MACROD2: variants seen among roughly 807,000 people sequenced by gnomAD.
MACROD2 encodes the protein mono-ADP ribosylhydrolase 2.
In MACROD2, 36 loss-of-function variants were observed where a neutral mutation model predicts 70.4. The observed-to-expected ratio is 0.51, with a 90% CI of 0.39 to 0.68. The LOEUF (loss-of-function observed/expected upper bound fraction) is 0.68, where lower values mean the gene tolerates loss of function less well. Ranked by LOEUF, MACROD2 falls within the 30% of genes least tolerant of loss-of-function variation. The probability of loss-of-function intolerance (pLI) is 0.00; values close to 1 mark genes in which losing one functional copy is unlikely to be tolerated. For missense variants in MACROD2, 496 were observed against 538.4 expected, an observed-to-expected ratio of 0.92 and a Z score of 0.78; for synonymous variants, 172 against 178.8, an observed-to-expected ratio of 0.96 and a Z score of 0.30.
At chr20:14,391,044 A>G (rs549202121) in intron 3 of MACROD2, among the ~76,000 whole-genome samples, 1 of 152,218 alleles carries the variant, frequency 6.6e-6, no homozygotes, top group Admixed American at 6.5e-5. Flanking sequence ...TTAGTTCAAC[A>G]ATTGTAGAAG....
intron 6 of MACROD2, among the ~76,000 whole-genome samples, chr20:15,297,678 A>G (rs1387465671): frequency 2.6e-5 from 4 of 152,300 alleles, no homozygotes; most frequent in African/African-American, 7.2e-5. Context: ...TGAATTTTCC[A>G]TAAGAGAACA....
At chr20:15,539,895 G>A (rs1004172375) in intron 8 of MACROD2, among the ~76,000 whole-genome samples, 4 of 152,242 alleles carry the variant, frequency 2.6e-5, no homozygotes, top group Non-Finnish European at 5.9e-5. Context: ...GACTGAGGCA[G>A]GAGAATGGCG....
At chr20:14,539,150 A>C (rs2123227606) in intron 4 of MACROD2, among the ~76,000 whole-genome samples, 1 of 152,326 alleles carries the variant, frequency 6.6e-6, no homozygotes, top group Middle Eastern at 3.4e-3. Context: ...TGTCCAGCTT[A>C]TGTGACTCTG....
chr20:14,738,744 A>G (rs1485940446), intron 5 of MACROD2, among the ~76,000 whole-genome samples: 2 of 151,784 alleles, frequency 1.3e-5, no homozygotes, highest in Admixed American at 6.6e-5. Context: ...TATCTACTCA[A>G]TCCATTTCCA....
chr20:14,887,863 TA>T (rs11474913), intron 5 of MACROD2, among the ~76,000 whole-genome samples: 66,346 of 142,574 alleles, frequency 0.47, 15,175 homozygotes, highest in Non-Finnish European at 0.51. Flanking sequence ...AGAAAAGCAT[TA>T]AAAAAAAAAA....
At chr20:16,009,467 A>G (rs1011715575) in intron 15 of MACROD2, among the ~76,000 whole-genome samples, 28 of 152,166 alleles carry the variant, frequency 1.8e-4, no homozygotes, top group African/African-American at 6.8e-4. Flanking sequence ...AGATCAAAGC[A>G]TAAGAGGGGC....
At chr20:15,422,116 G>C (rs555862324) in intron 6 of MACROD2, among the ~76,000 whole-genome samples, 17 of 152,298 alleles carry the variant, frequency 1.1e-4, no homozygotes, top group Admixed American at 4.6e-4. Context: ...AAAGTGGAAG[G>C]GAGGGGCTAA....
At chr20:14,328,456 T>TC (rs1400396773) in intron 3 of MACROD2, among the ~76,000 whole-genome samples, 1 of 152,130 alleles carries the variant, frequency 6.6e-6, no homozygotes. Context: ...ATCAACTTTT[T>TC]CTATGGCTGG....
chr20:15,942,990 C>T (rs561697767), intron 12 of MACROD2, among the ~76,000 whole-genome samples: 1 of 152,274 alleles, frequency 6.6e-6, no homozygotes, highest in East Asian at 1.9e-4. Flanking sequence ...CCATGTAAGT[C>T]ATACAATTGC....
intron 3 of MACROD2, among the ~76,000 whole-genome samples, chr20:14,348,818 A>T (rs890857582): frequency 1.3e-5 from 2 of 152,218 alleles, no homozygotes; most frequent in Non-Finnish European, 2.9e-5. Flanking sequence ...TTCAATTAAC[A>T]GCACTTTGGG....
chr20:14,363,525 A>G (rs1159121680), intron 3 of MACROD2, among the ~76,000 whole-genome samples: 3 of 152,182 alleles, frequency 2.0e-5, no homozygotes, highest in East Asian at 1.9e-4. Flanking sequence ...TCCTATTTAG[A>G]AAATAAGATT....
chr20:14,953,726 A>T (rs2074494935), intron 5 of MACROD2, among the ~76,000 whole-genome samples: 1 of 152,232 alleles, frequency 6.6e-6, no homozygotes, highest in South Asian at 2.1e-4. Flanking sequence ...AACATAAGGC[A>T]TTCTGAGGCC....
At chr20:15,994,768 C>T (rs2066604807) in intron 15 of MACROD2, among the ~76,000 whole-genome samples, 1 of 152,114 alleles carries the variant, frequency 6.6e-6, no homozygotes, top group Non-Finnish European at 1.5e-5. Flanking sequence ...CCACCTCCCT[C>T]CATATTTATT....
At chr20:15,015,984 G>A in intron 5 of MACROD2, among the ~76,000 whole-genome samples, 1 of 152,094 alleles carries the variant, frequency 6.6e-6, no homozygotes. Flanking sequence ...TTTTCTATTT[G>A]ACAGAAACAA....
chr20:15,188,027 A>G (rs541531227), intron 5 of MACROD2, among the ~76,000 whole-genome samples: 15 of 152,296 alleles, frequency 9.8e-5, no homozygotes, highest in Middle Eastern at 6.8e-3. Context: ...CAGAAACACA[A>G]TCGTAGGATT....
chr20:16,043,014 AT>A (rs1203309961), intron 16 of MACROD2, among the ~76,000 whole-genome samples: 1 of 152,094 alleles, frequency 6.6e-6, no homozygotes, highest in Non-Finnish European at 1.5e-5. Context: ...GTGCAAATAA[AT>A]GAAAACTGCC....
intron 5 of MACROD2, among the ~76,000 whole-genome samples, chr20:14,985,084 G>A (rs1443174019): frequency 6.6e-6 from 1 of 152,038 alleles, no homozygotes; most frequent in East Asian, 1.9e-4. Flanking sequence ...CTCTTCTAAG[G>A]GGTGGAAGGA....
chr20:14,998,009 A>G (rs980134113), intron 5 of MACROD2, among the ~76,000 whole-genome samples: 1 of 152,174 alleles, frequency 6.6e-6, no homozygotes, highest in African/African-American at 2.4e-5. Flanking sequence ...TGGCACCTCT[A>G]TGAGTCATCA....
At chr20:14,045,952 T>G (rs2053467565) in intron 2 of MACROD2, among the ~76,000 whole-genome samples, 1 of 152,210 alleles carries the variant, frequency 6.6e-6, no homozygotes, top group Non-Finnish European at 1.5e-5. Flanking sequence ...GAAGACAGAT[T>G]TGAAGAAAGC....
Sources: allele counts gnomAD v4.1 joint callset (sites outside exome capture counted in the v4.1 genomes callset), GRCh38; gene constraint gnomAD v4.1.1; transcripts MANE v1.5; gene names NCBI Gene and HGNC (gene_info 2026-07-23, HGNC 2026-07-21).